The following EYS variants were observed in gnomAD, a reference collection of about 807,000 sequenced individuals.
EYS encodes the protein EGF-like photoreceptor maintenance factor, also known as protein eyes shut homolog.
A neutral mutation model predicts 282.1 loss-of-function variants in EYS; 250 were observed. The ratio of observed to expected loss-of-function variants is 0.89; its 90% confidence interval spans 0.80 to 0.98. The LOEUF is 0.98. Ranked by LOEUF, EYS falls within the 50% of genes least tolerant of loss-of-function variation. EYS has a pLI of 0.00. For missense variants in EYS, 4,016 were observed against 3,709.0 expected (o/e 1.08, Z -2.15); for synonymous variants, 1,355 against 1,282.9 (o/e 1.06, Z -1.20).
At chr6:65,557,677 G>A (rs1430315091) in intron 2 of EYS, among the ~76,000 whole-genome samples, 1 of 152,176 alleles carries the variant, frequency 6.6e-6, no homozygotes, top group Admixed American at 6.5e-5. Flanking sequence ...CCAGGAACAT[G>A]TTACAGCTCC....
chr6:65,626,936 G>A (rs985207824), intron 2 of EYS, among the ~76,000 whole-genome samples: 1 of 150,124 alleles, frequency 6.7e-6, no homozygotes, highest in African/African-American at 2.4e-5. Flanking sequence ...AAACTGTCTT[G>A]TTAAAAACCA....
chr6:63,939,130 AT>A (rs59373055), intron 35 of EYS, among the ~76,000 whole-genome samples: 10,652 of 143,118 alleles, frequency 0.074, 715 homozygotes, highest in African/African-American at 0.19. Context: ...TTGTGAGGGG[AT>A]TTTTTTTTTT....
chr6:65,399,015 G>C (rs1167699078), intron 7 of EYS, among the ~76,000 whole-genome samples: 2 of 152,012 alleles, frequency 1.3e-5, no homozygotes, highest in Non-Finnish European at 2.9e-5. Context: ...TTCCAGATCT[G>C]ATCCTTAATT....
At chr6:64,758,376 A>C (rs1773026690) in intron 22 of EYS, among the ~76,000 whole-genome samples, 1 of 152,190 alleles carries the variant, frequency 6.6e-6, no homozygotes. Context: ...TTTGTCAATA[A>C]AATTGAAATT....
chr6:65,321,783 G>A (rs878897800), intron 11 of EYS, among the ~76,000 whole-genome samples: 1 of 152,162 alleles, frequency 6.6e-6, no homozygotes, highest in African/African-American at 2.4e-5. Flanking sequence ...CTGGTAGGGG[G>A]CCTGGCCATT....
chr6:64,001,654 T>G (rs537422842), intron 33 of EYS, among the ~76,000 whole-genome samples: 218 of 152,332 alleles, frequency 1.4e-3, no homozygotes, highest in Non-Finnish European at 1.5e-3. Flanking sequence ...CATTGCTTAA[T>G]TAATTAAATC....
intron 26 of EYS, among the ~76,000 whole-genome samples, chr6:64,527,105 A>G (rs754211908): frequency 2.1e-4 from 32 of 151,956 alleles, no homozygotes; most frequent in Admixed American, 5.9e-4. Context: ...GGAGATAAAT[A>G]GAAATATCTA....
intron 32 of EYS, among the ~76,000 whole-genome samples, chr6:64,077,797 C>T (rs1422952374): frequency 6.6e-6 from 1 of 152,004 alleles, no homozygotes; most frequent in Non-Finnish European, 1.5e-5. Flanking sequence ...TCTGAAAGTG[C>T]ACCTAAAGAA....
At chr6:63,752,621 C>A (rs1562009372) in intron 41 of EYS, among the ~76,000 whole-genome samples, 1 of 151,482 alleles carries the variant, frequency 6.6e-6, no homozygotes, top group South Asian at 2.1e-4. Context: ...GCCTCCCCAG[C>A]AGCTGGGACT....
intron 28 of EYS, 108 bp downstream of exon 28, chr6:64,436,066 G>T: frequency 1.9e-6 from 1 of 531,284 alleles, no homozygotes; most frequent in Non-Finnish European, 3.2e-6. Context: ...ACATGCACAT[G>T]TTAATACTAA....
At chr6:65,384,573 CAAAA>C in intron 7 of EYS, 73 bp from the exon 8 acceptor site, 5 of 770,806 alleles carry the variant, frequency 6.5e-6, no homozygotes, top group South Asian at 1.5e-5. Context: ...AACATTATTC[CAAAA>C]GGAATAAGGC....
intron 7 of EYS, among the ~76,000 whole-genome samples, chr6:65,390,631 C>T (rs983263712): frequency 6.6e-6 from 1 of 151,968 alleles, no homozygotes; most frequent in African/African-American, 2.4e-5. Context: ...TATCTGTAAT[C>T]CCAGCACTTT....
intron 26 of EYS, among the ~76,000 whole-genome samples, chr6:64,583,717 C>A (rs564153752): frequency 4.1e-4 from 62 of 152,084 alleles, no homozygotes; most frequent in Admixed American, 2.4e-3. Flanking sequence ...ATTGCTTGAA[C>A]CTGGGAGGCA....
At chr6:65,564,527 G>A (rs1055074096) in intron 2 of EYS, among the ~76,000 whole-genome samples, 5 of 152,094 alleles carry the variant, frequency 3.3e-5, no homozygotes, top group African/African-American at 9.7e-5. Context: ...ATGGGGAAAG[G>A]ATTCCCTATT....
At chr6:64,653,626 G>C (rs190700614) in intron 22 of EYS, among the ~76,000 whole-genome samples, 1 of 151,854 alleles carries the variant, frequency 6.6e-6, no homozygotes, top group East Asian at 1.9e-4. Flanking sequence ...AGGCAGTGGC[G>C]TGACTGTGGC....
chr6:64,898,430 C>T (rs1231564535), intron 18 of EYS, among the ~76,000 whole-genome samples: 1 of 152,034 alleles, frequency 6.6e-6, no homozygotes, highest in Non-Finnish European at 1.5e-5. Flanking sequence ...ACCAAGCCTG[C>T]CTTACAACGG....
intron 29 of EYS, among the ~76,000 whole-genome samples, chr6:64,363,654 C>G (rs1310130656): frequency 6.6e-6 from 1 of 151,846 alleles, no homozygotes; most frequent in African/African-American, 2.4e-5. Flanking sequence ...TACACGTTTA[C>G]TATTATTTCA....
chr6:63,923,515 A>G (rs1764630202), intron 35 of EYS, among the ~76,000 whole-genome samples: 1 of 152,238 alleles, frequency 6.6e-6, no homozygotes, highest in Non-Finnish European at 1.5e-5. Flanking sequence ...CTTTGATACT[A>G]AGATGTACTA....
At chr6:63,737,118 C>A (rs568665057) in intron 41 of EYS, among the ~76,000 whole-genome samples, 1 of 151,004 alleles carries the variant, frequency 6.6e-6, no homozygotes, top group Admixed American at 6.6e-5. Flanking sequence ...GAACTTCCAA[C>A]ACTATGTTGA....
Sources: gnomAD v4.1 joint callset for allele counts (sites outside exome capture counted in the v4.1 genomes callset) on GRCh38, gnomAD v4.1.1 for gene constraint, MANE v1.5 for transcripts, NCBI Gene and HGNC (gene_info 2026-07-23, HGNC 2026-07-21) for gene names.